The following TEAD1 variants were observed in gnomAD, a reference collection of about 807,000 sequenced individuals.
The protein encoded by TEAD1 is transcriptional enhancer factor TEF-1.
TEAD1 carries 9 observed loss-of-function variants against 54.9 expected under a neutral mutation model. The ratio of observed to expected loss-of-function variants is 0.16; its 90% CI spans 0.10 to 0.29. The LOEUF (loss-of-function observed/expected upper bound fraction) is 0.29, where lower values mean the gene tolerates loss of function less well. Among genes scored for constraint, TEAD1 ranks in the 10% least tolerant of loss-of-function variants. TEAD1 has a pLI of 1.00. For missense variants in TEAD1, 387 were observed against 535.9 expected, an observed-to-expected ratio of 0.72 and a Z score of 2.74; for synonymous variants, 200 against 187.8, an observed-to-expected ratio of 1.07 and a Z score of -0.53.
intron 2 of TEAD1, among the ~76,000 whole-genome samples, chr11:12,737,520 G>C (rs891485822): frequency 2.0e-5 from 3 of 152,116 alleles, no homozygotes; most frequent in African/African-American, 4.8e-5. Context: ...AGCATTACCT[G>C]TTTGGAGCTG....
intron 3 of TEAD1, among the ~76,000 whole-genome samples, chr11:12,856,192 A>G (rs1049468177): frequency 6.7e-6 from 1 of 149,270 alleles, no homozygotes; most frequent in Non-Finnish European, 1.5e-5. Context: ...ACAGGGATGT[A>G]GGAGCCTCTT....
chr11:12,845,670 T>C (rs1255329852), intron 3 of TEAD1, among the ~76,000 whole-genome samples: 1 of 152,232 alleles, frequency 6.6e-6, no homozygotes, highest in East Asian at 1.9e-4. Flanking sequence ...GTACTGTTGT[T>C]GTAAAACAGT....
intron 12 of TEAD1, 43 bp downstream of exon 12, chr11:12,930,369 G>GA: frequency 6.2e-7 from 1 of 1,612,626 alleles, no homozygotes; most frequent in East Asian, 2.2e-5. Context: ...ATGCTGCCAT[G>GA]AGGCTTGACA....
At chr11:12,709,427 A>T (rs1299940008) in intron 2 of TEAD1, among the ~76,000 whole-genome samples, 1 of 151,656 alleles carries the variant, frequency 6.6e-6, no homozygotes, top group East Asian at 1.9e-4. Context: ...TTTTTTAAAG[A>T]TGTGGTCTTG....
chr11:12,824,326 T>C (rs1377809869), intron 3 of TEAD1, among the ~76,000 whole-genome samples: 2 of 152,174 alleles, frequency 1.3e-5, no homozygotes, highest in African/African-American at 4.8e-5. Flanking sequence ...ACGCAGTAGT[T>C]ATTCTAGGCA....
At chr11:12,677,924 T>C (rs1031062693) in intron 2 of TEAD1, among the ~76,000 whole-genome samples, 17 of 152,300 alleles carry the variant, frequency 1.1e-4, no homozygotes, top group Admixed American at 8.5e-4. Context: ...TGCCTGCAAA[T>C]GAAAATTGTG....
chr11:12,680,342 C>T (rs1037246642), intron 2 of TEAD1, among the ~76,000 whole-genome samples: 2 of 152,246 alleles, frequency 1.3e-5, no homozygotes, highest in South Asian at 2.1e-4. Context: ...TTCCGACTTT[C>T]GTCCAGCCTG....
chr11:12,783,839 T>C (rs531405438), intron 3 of TEAD1, among the ~76,000 whole-genome samples: 2 of 152,266 alleles, frequency 1.3e-5, no homozygotes, highest in Admixed American at 6.5e-5. Flanking sequence ...GGGTGGCTTG[T>C]AAGCTGAGAG....
chr11:12,918,934 G>A (rs1948760273), intron 10 of TEAD1, among the ~76,000 whole-genome samples: 1 of 152,182 alleles, frequency 6.6e-6, no homozygotes, highest in African/African-American at 2.4e-5. Context: ...CAAAACTAAT[G>A]TGTGATGTTT....
chr11:12,932,087 A>G (rs1220397983), intron 12 of TEAD1, among the ~76,000 whole-genome samples: 10 of 152,250 alleles, frequency 6.6e-5, no homozygotes, highest in Admixed American at 2.6e-4. Flanking sequence ...TTCCAAGAAG[A>G]GAATCTTAAT....
chr11:12,930,246 A>G lies in TEAD1; in HGVS notation c.1087A>G (p.Ile363Val). 1 of 1,614,244 alleles carries G rather than the reference A, an allele frequency of 6.2e-7. No individual in the cohort carries two copies. Among genetic ancestry groups the G allele is most frequent in the Non-Finnish European group, 8.5e-7 (1 of 1,180,038 alleles). The change falls in exon 12 of 13, where the codon ATC becomes GTC. Residue 363 changes from isoleucine (I) to valine (V), a missense_variant. By Grantham distance (29) the Ile-to-Val change is conservative. Around this residue, in one of 5 missense-constraint regions of TEAD1, gnomAD observed 123 missense variants for 199.0 expected, o/e 0.62. Transcript: ENST00000527636. The stretch of plus-strand genomic sequence containing the variant: ...CCGCTCCCCAATGTGTGAATATATG[A>G]TCAACTTCATCCACAAGCTCAAACA...
chr11:12,809,316 A>G (rs1161813455), intron 3 of TEAD1, among the ~76,000 whole-genome samples: 1 of 152,216 alleles, frequency 6.6e-6, no homozygotes, highest in Non-Finnish European at 1.5e-5. Flanking sequence ...ACACAGTGAT[A>G]GAGCCTTTAT....
chr11:12,819,705 T>C lies in TEAD1; in HGVS notation c.203-42545T>C, dbSNP rs190027679. Among the ~76,000 whole-genome samples, 621 of 152,010 alleles carry C rather than the reference T, an allele frequency of 4.1e-3. 2 individuals carry two copies. Among genetic ancestry groups the C allele is most frequent in the African/African-American group, 0.013 (545 of 41,438 alleles). On this transcript the variant is annotated intron_variant, in intron 3 of 12. Coordinates refer to ENST00000527636, the MANE Select transcript of TEAD1 (RefSeq NM_021961.6). ...TGACCTTTTGATCCGCCCGCCTCGG[T>C]CTCCCAAAGTGCTGGGATTACAGGC...
chr11:12,783,985 G>C (rs1310441082), intron 3 of TEAD1, among the ~76,000 whole-genome samples: 1 of 152,136 alleles, frequency 6.6e-6, no homozygotes, highest in Non-Finnish European at 1.5e-5. Flanking sequence ...AAGTGTTTGA[G>C]GAGAATTATT....
At chr11:12,685,097 C>G (rs1384518008) in intron 2 of TEAD1, among the ~76,000 whole-genome samples, 1 of 152,236 alleles carries the variant, frequency 6.6e-6, no homozygotes, top group African/African-American at 2.4e-5. Flanking sequence ...CTCCTGGTGA[C>G]TGGTCTGAGC....
chr11:12,797,881 A>T (rs917734214), intron 3 of TEAD1, among the ~76,000 whole-genome samples: 5 of 152,080 alleles, frequency 3.3e-5, no homozygotes, highest in Non-Finnish European at 7.4e-5. Context: ...GTAGGGACTG[A>T]TCAGTCCCTT....
Position 12,879,688 on chromosome 11 carries a change from G to A in TEAD1, c.331-20G>A, listed in dbSNP as rs760364489. On this transcript the variant is annotated intron_variant, in intron 5 of 12. Transcript: ENST00000527636. ...GCCATGCGTTATGTATTAAGTTGGT[G>A]TGTCACTGTCACCTTCAAGGATCAG... is the stretch of plus-strand genomic sequence containing the variant. 7 of 1,614,020 alleles carry A rather than the reference G, an allele frequency of 4.3e-6. No homozygotes were observed. In the Middle Eastern group the frequency reaches 4.9e-4, roughly 114 times the overall value.
chr11:12,925,635 G>T (rs745510414), intron 11 of TEAD1, among the ~76,000 whole-genome samples: 6 of 152,230 alleles, frequency 3.9e-5, no homozygotes, highest in Non-Finnish European at 7.3e-5. Context: ...CTCTGACTGT[G>T]TCTGAAGTCA....
chr11:12,675,611 C>CCG (rs1554918172), intron 2 of TEAD1, 50 bp downstream of exon 2: 6 of 152,112 alleles, frequency 3.9e-5, no homozygotes. Flanking sequence ...AAATGATCCC[C>CCG]GGGGGGGAGA....
Sources: allele counts gnomAD v4.1 joint callset (sites outside exome capture counted in the v4.1 genomes callset), GRCh38; gene constraint gnomAD v4.1.1; regional missense constraint gnomAD v4.1.1; transcripts MANE v1.5; gene names NCBI Gene and HGNC (gene_info 2026-07-23, HGNC 2026-07-21).